Variants in LNX2 observed in about 807,000 individuals in gnomAD.
LNX2 encodes the protein ligand of numb-protein X 2, also known as ligand of Numb protein X 2.
A neutral mutation model predicts 66.2 loss-of-function variants in LNX2; 35 were observed. The ratio of observed to expected loss-of-function variants is 0.53; its 90% confidence interval spans 0.40 to 0.70. The LOEUF is 0.70. Ranked by LOEUF, LNX2 falls within the 30% of genes least tolerant of loss-of-function variation. The probability of loss-of-function intolerance (pLI) is 0.00; values close to 1 mark genes in which losing one functional copy is unlikely to be tolerated. For missense variants in LNX2, 791 were observed against 850.8 expected (o/e 0.93, Z 0.87); for synonymous variants, 337 against 315.6 (o/e 1.07, Z -0.72).
intron 2 of LNX2, among the ~76,000 whole-genome samples, chr13:27,579,035 A>C (rs527498738): frequency 5.3e-4 from 80 of 152,254 alleles, no homozygotes; most frequent in Non-Finnish European, 8.1e-4. Flanking sequence ...CTGAAAGACT[A>C]TAAAGACATG....
chr13:27,618,172 C>T (rs1039005442), intron 1 of LNX2, among the ~76,000 whole-genome samples: 4 of 152,222 alleles, frequency 2.6e-5, no homozygotes, highest in African/African-American at 9.7e-5. Context: ...ATCCTTCCCT[C>T]CTTAAGCCTA....
intron 2 of LNX2, among the ~76,000 whole-genome samples, chr13:27,574,025 AAAG>A (rs369072699): frequency 1.1e-4 from 16 of 152,290 alleles, no homozygotes; most frequent in African/African-American, 3.6e-4. Context: ...AGATATGTTC[AAAG>A]AAGTAAAGGA....
chr13:27,583,253 T>TGCGCGCGCGCGCGCGC (rs1566124862), intron 1 of LNX2, among the ~76,000 whole-genome samples: 1 of 46,910 alleles, frequency 2.1e-5, no homozygotes, highest in Non-Finnish European at 3.8e-5. Flanking sequence ...TGTGTGTGTG[T>TGCGCGCGCGCGCGCGC]GTGCGCGCGT....
chr13:27,601,937 T>G (rs1051569516), intron 1 of LNX2, among the ~76,000 whole-genome samples: 1 of 152,212 alleles, frequency 6.6e-6, no homozygotes, highest in African/African-American at 2.4e-5. Flanking sequence ...TTTACAAGTC[T>G]ACCATTAAGA....
chr13:27,581,633 A>G lies in LNX2; in HGVS notation c.71T>C (p.Phe24Ser), dbSNP rs1414603031. The change falls in exon 2 of 10, where the codon TTT becomes TCT. Residue 24 changes from phenylalanine (F) to serine (S), a missense_variant. Transcript: ENST00000316334. ...TGTCCAGTGCTGTTGGCCACATTCA[A>G]AACACAGGGGGTTTAGAGAAGAGGA... ...TSSSSLNPLC[F>S]ECGQQHWTRE... The G allele has an allele frequency of 3.1e-6, 5 of 1,614,160 alleles. No homozygotes were observed. Among genetic ancestry groups the G allele is most frequent in the Admixed American group, 3.3e-5 (2 of 60,018 alleles).
At chr13:27,568,645 C>T (rs769600732) in intron 3 of LNX2, among the ~76,000 whole-genome samples, 1 of 152,064 alleles carries the variant, frequency 6.6e-6, no homozygotes, top group Non-Finnish European at 1.5e-5. Flanking sequence ...ATGTTTAGCA[C>T]AGTGCCTGAC....
intron 1 of LNX2, among the ~76,000 whole-genome samples, chr13:27,614,585 C>A (rs1955807452): frequency 6.6e-6 from 1 of 152,104 alleles, no homozygotes; most frequent in South Asian, 2.1e-4. Flanking sequence ...TCCGCAAGAT[C>A]TATGTGTGTA....
At chr13:27,572,072 T>C (rs745339198) in intron 2 of LNX2, among the ~76,000 whole-genome samples, 3 of 152,222 alleles carry the variant, frequency 2.0e-5, no homozygotes, top group Non-Finnish European at 4.4e-5. Context: ...CAGTGTATCA[T>C]ACTAAATTCA....
rs1955179590 is a variant in LNX2 at position 27,564,434 on chromosome 13, C to A, written c.856-1653G>T. 2.0e-5 allele frequency among the ~76,000 whole-genome samples: 3 copies of A among 152,172 alleles called. 1 individual carries two copies. The South Asian group carries it at 6.2e-4, about 32-fold the overall frequency. ...CTGAAAATGCCATTATTGATGACTT[C>A]ATTAAACTGAAAATACTTATTCTTA... On this transcript the variant is annotated intron_variant, in intron 4 of 9. Transcript: ENST00000316334.
chr13:27,558,778 T>A (rs976335468), intron 6 of LNX2, among the ~76,000 whole-genome samples: 1 of 152,136 alleles, frequency 6.6e-6, no homozygotes, highest in Non-Finnish European at 1.5e-5. Flanking sequence ...TTATAATTTC[T>A]TTTTAGTATT....
chr13:27,620,910 GGT>G (rs919947823), upstream of LNX2: 11 of 152,736 alleles, frequency 7.2e-5, no homozygotes, highest in Admixed American at 2.0e-4. Flanking sequence ...CGCGGGGCGG[GGT>G]GGGGGGAGGC....
intron 1 of LNX2, among the ~76,000 whole-genome samples, chr13:27,603,729 T>C (rs482704): frequency 0.32 from 48,265 of 151,978 alleles, 9,151 homozygotes; most frequent in East Asian, 0.48. Flanking sequence ...ACTTTTCTTC[T>C]ACACAAATGT....
At chr13:27,583,235 TGTG>T (rs1955434787) in intron 1 of LNX2, among the ~76,000 whole-genome samples, 1 of 17,144 alleles carries the variant, frequency 5.8e-5, no homozygotes, top group Non-Finnish European at 1.2e-4. Flanking sequence ...TGTGTGTGTG[TGTG>T]TGTGTGTGTG....
chr13:27,605,762 T>C (rs1397475572), intron 1 of LNX2, among the ~76,000 whole-genome samples: 1 of 152,200 alleles, frequency 6.6e-6, no homozygotes, highest in Non-Finnish European at 1.5e-5. Context: ...CACAGAGCAG[T>C]CACGCAAATG....
In LNX2 at chr13:27,553,432, C is replaced by T; in HGVS notation, c.1554G>A (p.Val518=). Residue 518 remains valine, a synonymous_variant, in exon 8 of 10, where the codon GTG becomes GTA. Transcript: ENST00000316334. ...ARDGRIKRGD[V]LLNINGIDLT... ...AATCAATGCCGTTGATATTTAGCAA[C>T]ACATCACCTGTTCAGATGAAGAAAC... is the stretch of plus-strand genomic sequence containing the variant. 1.2e-6 allele frequency: 2 copies of T among 1,612,914 alleles called. No individual in the cohort carries two copies. Among genetic ancestry groups the T allele is most frequent in the Non-Finnish European group, 1.7e-6 (2 of 1,178,920 alleles).
chr13:27,602,280 T>C (rs1955665825), intron 1 of LNX2, among the ~76,000 whole-genome samples: 1 of 152,188 alleles, frequency 6.6e-6, no homozygotes, highest in African/African-American at 2.4e-5. Context: ...ATTAAGCTTT[T>C]GCTAAATGCA....
chr13:27,578,412 G>A (rs1341203830), intron 2 of LNX2, among the ~76,000 whole-genome samples: 6 of 152,088 alleles, frequency 3.9e-5, no homozygotes, highest in South Asian at 2.1e-4. Context: ...GCAAACAGTC[G>A]TAGTAATCAT....
At chr13:27,593,154 T>C (rs1406757436) in intron 1 of LNX2, among the ~76,000 whole-genome samples, 1 of 152,208 alleles carries the variant, frequency 6.6e-6, no homozygotes, top group Non-Finnish European at 1.5e-5. Flanking sequence ...TTTCTTCTTT[T>C]GCCATATCTC....
chr13:27,611,237 T>C (rs1332826126), intron 1 of LNX2, among the ~76,000 whole-genome samples: 1 of 152,204 alleles, frequency 6.6e-6, no homozygotes, highest in Non-Finnish European at 1.5e-5. Flanking sequence ...CAAAATGTGG[T>C]ATATGTATAC....
Sources: allele counts gnomAD v4.1 joint callset (sites outside exome capture counted in the v4.1 genomes callset), GRCh38; gene constraint gnomAD v4.1.1; transcripts MANE v1.5; gene names NCBI Gene and HGNC (gene_info 2026-07-23, HGNC 2026-07-21).